Variants in FN1 observed in about 807,000 individuals in gnomAD.
The protein encoded by FN1 is fibronectin.
Under a neutral mutation model 297.3 loss-of-function variants are expected in FN1, and 106 were observed. The observed-to-expected ratio is 0.36, with a 90% CI of 0.30 to 0.42. FN1 has a LOEUF of 0.42. Among genes scored for constraint, FN1 ranks in the 10% least tolerant of loss-of-function variants. The pLI is 1.00. For missense variants in FN1, 2,690 were observed against 3,124.9 expected, an observed-to-expected ratio of 0.86 and a Z score of 3.32; for synonymous variants, 1,149 against 1,152.6, an observed-to-expected ratio of 1.00 and a Z score of 0.06.
intron 15 of FN1, among the ~76,000 whole-genome samples, chr2:215,409,057 T>C (rs914194947): frequency 1.3e-5 from 2 of 152,238 alleles, no homozygotes; most frequent in South Asian, 4.1e-4. Flanking sequence ...TGGCGGAAGA[T>C]GATGGGGTGA....
intron 42 of FN1, among the ~76,000 whole-genome samples, chr2:215,366,332 A>T (rs1450653989): frequency 2.0e-5 from 3 of 152,258 alleles, no homozygotes; most frequent in African/African-American, 7.2e-5. Flanking sequence ...CTAGATGAAA[A>T]ATCACTTTTG....
chr2:215,419,436 G>A (rs750756101), intron 11 of FN1, 51 bp from the exon 12 acceptor site: 35 of 1,503,910 alleles, frequency 2.3e-5, no homozygotes, highest in Non-Finnish European at 2.8e-5. Context: ...TTATAACTAC[G>A]AATTTAATTT....
intron 26 of FN1, 132 bp downstream of exon 26, chr2:215,391,500 C>A: frequency 1.3e-6 from 1 of 746,556 alleles, no homozygotes; most frequent in South Asian, 1.4e-5. Context: ...TGGAGCTGTG[C>A]ATTGAATTCA....
rs1463252069 is a variant in FN1, at chr2:215,435,868, G to C, written c.-66C>G. On this transcript the variant is annotated 5_prime_UTR_variant, in exon 1 of 46. Transcript: ENST00000354785. Reference sequence around the variant, plus strand: ...GTTGCCACCAAGTTTGCTTCCCTTCGCAACCTGCGGGAAAAATCCCTTCTA... The same window carrying C: ...GTTGCCACCAAGTTTGCTTCCCTTCCCAACCTGCGGGAAAAATCCCTTCTA... 1 of 1,491,230 alleles carries C rather than the reference G, an allele frequency of 6.7e-7. No individual in the cohort carries two copies. The highest frequency in any genetic ancestry group is 1.3e-5 in the South Asian group (1 of 77,030). The allele number at this position is 1,491,230 out of a possible 1,614,324, so 92.4% of individuals were successfully genotyped here.
At chr2:215,393,504 A>T (rs2059956073) in intron 24 of FN1, 1 of 156,084 alleles carries the variant, frequency 6.4e-6, no homozygotes, top group African/African-American at 2.4e-5. Flanking sequence ...GATTCCTAAA[A>T]ATCATATGGC....
Position 215,420,746 on chromosome 2 carries a change from A to G in FN1, c.1602T>C (p.Arg534=). ...TYNVNDTFHK[R]HEEGHMLNCT... Reference sequence around the variant, plus strand: ...AGTTCAGCATGTGCCCCTCTTCATGACGCTTGTGGAATGTGTCGTTCACAT... The same window carrying G: ...AGTTCAGCATGTGCCCCTCTTCATGGCGCTTGTGGAATGTGTCGTTCACAT... Residue 534 remains arginine (R), a synonymous_variant, in exon 11 of 46, where the codon CGT becomes CGC. Coordinates refer to ENST00000354785, the MANE Select transcript of FN1 (RefSeq NM_212482.4). 1 of 1,614,062 alleles carries G rather than the reference A, an allele frequency of 6.2e-7. No individual in the cohort carries two copies. The highest frequency in any genetic ancestry group is 1.1e-5 in the South Asian group (1 of 91,080).
chr2:215,422,041 T>C (rs896170380), intron 10 of FN1, 50 bp downstream of exon 10: 1 of 1,594,728 alleles, frequency 6.3e-7, no homozygotes, highest in Admixed American at 1.7e-5. Flanking sequence ...AAAGTGTCCC[T>C]TTCTGTACCT....
chr2:215,428,459 A>G, intron 5 of FN1, 121 bp from the exon 6 acceptor site: 1 of 846,572 alleles, frequency 1.2e-6, no homozygotes, highest in South Asian at 1.4e-5. Flanking sequence ...GTTCATATTC[A>G]GCTCTGGTGC....
chr2:215,383,635 G>A (rs1268800991), intron 30 of FN1, 152 bp from the exon 31 acceptor site: 10 of 849,902 alleles, frequency 1.2e-5, no homozygotes, highest in Non-Finnish European at 1.7e-5. Context: ...AGCTTTTAGA[G>A]GGATGGGGCA....
chr2:215,371,031 A>G (rs924625103), intron 40 of FN1, among the ~76,000 whole-genome samples: 3 of 152,212 alleles, frequency 2.0e-5, no homozygotes, highest in Non-Finnish European at 4.4e-5. Context: ...GCACTTTGGG[A>G]GGCCAAGGCG....
intron 43 of FN1, 62 bp from the exon 44 acceptor site, chr2:215,365,047 AG>A: frequency 9.4e-7 from 1 of 1,062,424 alleles, no homozygotes; most frequent in Non-Finnish European, 1.4e-6. Context: ...GACTTGATCT[AG>A]GGGTGGGTTC....
chr2:215,387,672 AT>A (rs1162743599), intron 27 of FN1, among the ~76,000 whole-genome samples: 1 of 152,250 alleles, frequency 6.6e-6, no homozygotes, highest in African/African-American at 2.4e-5. Context: ...CCAAACTAAG[AT>A]ATCATAAGTC....
At position 215,364,686 on chromosome 2, in the gene FN1, A is replaced by T. The variant is rs887661673; in HGVS notation, c.7251+193T>A. On this transcript the variant is annotated intron_variant, in intron 44 of 45. Transcript: ENST00000354785. ...CATTCTTTCTACTAAGAGTAATAGA[A>T]AGAATGAATGGCATGTAAGGTAGAC... The T allele has an allele frequency of 2.3e-5, 14 of 618,804 alleles. No homozygotes were observed. The Admixed American group carries it at 3.6e-4, about 16-fold the overall frequency. 38.3% of individuals were successfully genotyped at this position (618,804 alleles called of 1,614,324 possible). A position where few individuals can be genotyped will look rare whatever the true frequency, so the allele number is the denominator to read the frequency against.
In FN1 at chr2:215,382,040, C is replaced by G. The variant is rs572520834; in HGVS notation, c.5164+172G>C. ...ACAACTTCTTTCTCTGTAAATTCCT[C>G]GCTTGGCACTGAGAAGGAAAAAAGA... On this transcript the variant is annotated intron_variant, in intron 32 of 45. Coordinates refer to ENST00000354785, the MANE Select transcript of FN1 (RefSeq NM_212482.4). 5 of 606,778 alleles carry G rather than the reference C, an allele frequency of 8.2e-6. No individual in the cohort carries two copies. The African/African-American group carries it at 9.2e-5, about 11-fold the overall frequency. 37.6% of individuals were successfully genotyped at this position (606,778 alleles called of 1,614,324 possible).
At chr2:215,406,084 T>C (rs1394516950) in intron 19 of FN1, among the ~76,000 whole-genome samples, 154 bp downstream of exon 19, 1 of 152,210 alleles carries the variant, frequency 6.6e-6, no homozygotes, top group Non-Finnish European at 1.5e-5. Flanking sequence ...TCAAGTTTAA[T>C]GTGCTTTGTG....
chr2:215,372,478 T>C, intron 39 of FN1, 103 bp from the exon 40 acceptor site: 1 of 861,722 alleles, frequency 1.2e-6, no homozygotes, highest in Non-Finnish European at 1.9e-6. Context: ...GTTCATCAAT[T>C]TGATAAAAGC....
chr2:215,382,262 G>A lies in FN1; in HGVS notation c.5114C>T (p.Ala1705Val). Residue 1705 changes from alanine (A) to valine (V), a missense_variant, in exon 32 of 46, where the codon GCT (alanine) becomes GTT (valine). Coordinates refer to ENST00000354785, the MANE Select transcript of FN1 (RefSeq NM_212482.4). ...PTVEYVVSVY[A>V]QNPSGESQPL... ...CTGACTCTCTCCGCTTGGATTCTGA[G>A]CATAGACACTAACCACATACTCCAC... The A allele has an allele frequency of 6.2e-7, 1 of 1,613,970 alleles. No homozygotes were observed. Among genetic ancestry groups the A allele is most frequent in the Non-Finnish European group, 8.5e-7 (1 of 1,179,848 alleles).
At chr2:215,390,012 AC>A (rs1426360305) in intron 26 of FN1, among the ~76,000 whole-genome samples, 1 of 152,164 alleles carries the variant, frequency 6.6e-6, no homozygotes, top group African/African-American at 2.4e-5. Flanking sequence ...TACTCACTAA[AC>A]CCTCATTCCC....
intron 2 of FN1, among the ~76,000 whole-genome samples, chr2:215,434,408 AT>A (rs34228975): frequency 1.8e-4 from 28 of 151,802 alleles, no homozygotes; most frequent in Non-Finnish European, 3.4e-4. Context: ...TTTATAAGCA[AT>A]TTTTTTTGTC....
Sources: gnomAD v4.1 joint callset for allele counts (sites outside exome capture counted in the v4.1 genomes callset) on GRCh38, gnomAD v4.1.1 for gene constraint, MANE v1.5 for transcripts, NCBI Gene and HGNC (gene_info 2026-07-23, HGNC 2026-07-21) for gene names.